RFTN1: variants seen among roughly 807,000 people sequenced by gnomAD.
RFTN1 encodes the protein raftlin, lipid raft linker 1, also known as raftlin.
Under a neutral mutation model 46.5 loss-of-function variants are expected in RFTN1, and 26 were observed. That is an observed-to-expected ratio of 0.56 (90% confidence interval 0.41 to 0.78). The LOEUF is 0.78. Among genes scored for constraint, RFTN1 ranks in the 30% least tolerant of loss-of-function variants. The probability of loss-of-function intolerance (pLI) is 0.00; values close to 1 mark genes in which losing one functional copy is unlikely to be tolerated. For synonymous variants in RFTN1, 261 were observed against 284.2 expected, an observed-to-expected ratio of 0.92 and a Z score of 0.82; for missense variants, 693 against 718.7, an observed-to-expected ratio of 0.96 and a Z score of 0.41.
rs1474550597 is a variant in RFTN1, at chr3:16,466,139, A to T, written c.145+27586T>A. ...CGCTTGAATGCAGGATACACCATGC[A>T]CCACAATCTTGCATCTCTCATCACA... On this transcript the variant is annotated intron_variant, in intron 2 of 9. Coordinates refer to ENST00000334133, the MANE Select transcript of RFTN1 (RefSeq NM_015150.2). The surrounding 1 kb of genome is among the most constrained non-coding windows in gnomAD (Gnocchi z 5.6). 1.3e-5 allele frequency among the ~76,000 whole-genome samples: 2 copies of T among 152,192 alleles called. No individual in the cohort carries two copies. Among genetic ancestry groups the T allele is most frequent in the East Asian group, 3.8e-4 (2 of 5,198 alleles).
At chr3:16,493,363 C>T (rs2076572655) in intron 2 of RFTN1, among the ~76,000 whole-genome samples, 1 of 152,024 alleles carries the variant, frequency 6.6e-6, no homozygotes, top group Non-Finnish European at 1.5e-5. Flanking sequence ...TCCCGAGTAG[C>T]TGGGACTACA....
chr3:16,353,576 A>C lies in RFTN1; in HGVS notation c.1146+4356T>G, dbSNP rs960356735. On this transcript the variant is annotated intron_variant, in intron 7 of 9. Coordinates refer to ENST00000334133, the MANE Select transcript of RFTN1 (RefSeq NM_015150.2). This position sits in a 1 kb window ranked among gnomAD's most constrained non-coding sequence, Gnocchi z 5.4. ...CATCTCAGAGCCACCGTTAAAGACT[A>C]AATGTTTTCTATCCTCCCACAATGC... Among the ~76,000 whole-genome samples the C allele has an allele frequency of 6.6e-6, 1 of 152,210 alleles. No individual in the cohort carries two copies. Among genetic ancestry groups the C allele is most frequent in the African/African-American group, 2.4e-5 (1 of 41,432 alleles).
At chr3:16,441,178 A>G (rs1444969158) in intron 2 of RFTN1, among the ~76,000 whole-genome samples, 1 of 152,088 alleles carries the variant, frequency 6.6e-6, no homozygotes, top group Non-Finnish European at 1.5e-5. Context: ...CAAAATATAG[A>G]AACTACTGCT....
In RFTN1 at chr3:16,335,426, G is replaced by A. The variant is rs1405410805; in HGVS notation, c.1147-8550C>T. Among the ~76,000 whole-genome samples the A allele has an allele frequency of 3.3e-5, 5 of 152,378 alleles. No homozygotes were observed. In the East Asian group the frequency reaches 9.6e-4, roughly 29 times the overall value. On this transcript the variant is annotated intron_variant, in intron 7 of 9. Coordinates refer to ENST00000334133, the MANE Select transcript of RFTN1 (RefSeq NM_015150.2). This position sits in a 1 kb window ranked among gnomAD's most constrained non-coding sequence, Gnocchi z 4.7. ...TTCTTTATCCAGTCCATAATGCTAT[G>A]CAGCCTTAAAAAGGAACGAATCACG...
rs151207880 is a variant in RFTN1, at chr3:16,465,564, A to G, written c.145+28161T>C. ...CACTTGCTTTCCCCTCTTCTGCTTT[A>G]TACAAATACATGGTAATTTGCTTCT... On this transcript the variant is annotated intron_variant, in intron 2 of 9. Coordinates refer to ENST00000334133, the MANE Select transcript of RFTN1 (RefSeq NM_015150.2). The surrounding 1 kb of genome is among the most constrained non-coding windows in gnomAD (Gnocchi z 5.1). Among the ~76,000 whole-genome samples, 9 of 152,348 alleles carry G rather than the reference A, an allele frequency of 5.9e-5. No homozygotes were observed. The East Asian group carries it at 1.5e-3, about 26-fold the overall frequency.
chr3:16,477,440 A>G (rs2076299922), intron 2 of RFTN1, among the ~76,000 whole-genome samples: 1 of 152,270 alleles, frequency 6.6e-6, no homozygotes, highest in Non-Finnish European at 1.5e-5. Context: ...ATTTAAAAAA[A>G]TGTTTCCCTA....
chr3:16,378,882 G>A (rs774806561), intron 4 of RFTN1, among the ~76,000 whole-genome samples: 6 of 152,168 alleles, frequency 3.9e-5, no homozygotes, highest in Admixed American at 1.3e-4. Context: ...CAGTACCGAG[G>A]TACTTGAACT....
chr3:16,490,023 A>G lies in RFTN1; in HGVS notation c.145+3702T>C, dbSNP rs117735458. Among the ~76,000 whole-genome samples the G allele has an allele frequency of 1.9e-3, 289 of 152,352 alleles. 9 individuals carry two copies. In the East Asian group the frequency reaches 0.046, roughly 24 times the overall value. On this transcript the variant is annotated intron_variant, in intron 2 of 9. Transcript: ENST00000334133. ...GCTCCATTCTGGAGAATAAAGAATA[A>G]TCTCATTAGAACTCCTGGGAGAAAA...
chr3:16,330,510 C>G (rs1199604361), intron 7 of RFTN1, among the ~76,000 whole-genome samples: 1 of 152,182 alleles, frequency 6.6e-6, no homozygotes, highest in Non-Finnish European at 1.5e-5. Context: ...GAGAAGAAAG[C>G]ACCAACAACA....
chr3:16,463,519 A>AT (rs2076040952), intron 2 of RFTN1, among the ~76,000 whole-genome samples: 1 of 152,142 alleles, frequency 6.6e-6, no homozygotes, highest in African/African-American at 2.4e-5. Flanking sequence ...TAGAAATCCC[A>AT]TTTTATTCTT....
intron 2 of RFTN1, among the ~76,000 whole-genome samples, chr3:16,441,524 T>C (rs1244166599): frequency 6.6e-6 from 1 of 152,206 alleles, no homozygotes; most frequent in African/African-American, 2.4e-5. Flanking sequence ...TATTTCAAAC[T>C]TGATTATTGG....
rs79695132 is a variant in RFTN1, at chr3:16,419,690, A to T, written c.333-10207T>A. On this transcript the variant is annotated intron_variant, in intron 3 of 9. Coordinates refer to ENST00000334133, the MANE Select transcript of RFTN1 (RefSeq NM_015150.2). The stretch of plus-strand genomic sequence containing the variant: ...TCCCCTATAGCAAAACTGAAGAAAT[A>T]CTTGAGGAAAAAATAGTCAAGTAAA... 0.018 allele frequency among the ~76,000 whole-genome samples: 2,775 copies of T among 152,344 alleles called. 203 individuals are homozygous for T. In the East Asian group the frequency reaches 0.2, roughly 11 times the overall value.
At chr3:16,324,548 G>A (rs1224119037) in intron 8 of RFTN1, among the ~76,000 whole-genome samples, 1 of 149,380 alleles carries the variant, frequency 6.7e-6, no homozygotes, top group Non-Finnish European at 1.5e-5. Context: ...TTCTGTGCCT[G>A]GTTTATTTCA....
chr3:16,330,512 C>T (rs914858128), intron 7 of RFTN1, among the ~76,000 whole-genome samples: 1 of 152,152 alleles, frequency 6.6e-6, no homozygotes, highest in African/African-American at 2.4e-5. Context: ...GAAGAAAGCA[C>T]CAACAACACT....
In RFTN1 at chr3:16,474,969, C is replaced by A. The variant is rs537579328; in HGVS notation, c.145+18756G>T. Reference sequence around the variant, plus strand: ...AATCTCATATTGATATTTGATCTCCCACGTTGGAGGTGGGGCCTAGTGGGA... The same window carrying A: ...AATCTCATATTGATATTTGATCTCCAACGTTGGAGGTGGGGCCTAGTGGGA... On this transcript the variant is annotated intron_variant, in intron 2 of 9. Coordinates refer to ENST00000334133, the MANE Select transcript of RFTN1 (RefSeq NM_015150.2). The surrounding 1 kb of genome is among the most constrained non-coding windows in gnomAD (Gnocchi z 5.5). 6.6e-6 allele frequency among the ~76,000 whole-genome samples: 1 copy of A among 152,290 alleles called. No homozygotes were observed. The highest frequency in any genetic ancestry group is 1.9e-4 in the East Asian group (1 of 5,180).
In RFTN1 at chr3:16,329,623, C is replaced by T. The variant is rs930579253; in HGVS notation, c.1147-2747G>A. On this transcript the variant is annotated intron_variant, in intron 7 of 9. Transcript: ENST00000334133. The surrounding 1 kb of genome is among the most constrained non-coding windows in gnomAD (Gnocchi z 4.5). ...ACGCTCACCACCTGCTGAAGGAGTC[C>T]TGAGGCTGCTTTATCCTGAGAATCC... Among the ~76,000 whole-genome samples, 2 of 152,160 alleles carry T rather than the reference C, an allele frequency of 1.3e-5. No homozygotes were observed. Among genetic ancestry groups the T allele is most frequent in the African/African-American group, 4.8e-5 (2 of 41,444 alleles).
Position 16,387,570 on chromosome 3 carries a change from T to TTCTCTCTCTCCCTCTCTC in RFTN1, c.442-9469_442-9468insGAGAGAGGGAGAGAGAGA, listed in dbSNP as rs2074224003. On this transcript the variant is annotated intron_variant, in intron 4 of 9. Coordinates refer to ENST00000334133, the MANE Select transcript of RFTN1 (RefSeq NM_015150.2). This position sits in a 1 kb window ranked among gnomAD's most constrained non-coding sequence, Gnocchi z 5.2. ...CACTTCTCTCTTCTATATCCTCAAT[T>TTCTCTCTCTCCCTCTCTC]TCTCTCTCTCTCTCTCTCTCTCTCT... 8.6e-6 allele frequency among the ~76,000 whole-genome samples: 1 copy of TTCTCTCTCTCCCTCTCTC among 116,418 alleles called. No homozygotes were observed. Among genetic ancestry groups the TTCTCTCTCTCCCTCTCTC allele is most frequent in the African/African-American group, 3.9e-5 (1 of 25,514 alleles). 76.4% of individuals were successfully genotyped at this position (116,418 alleles called of 152,430 possible). A position where few individuals can be genotyped will look rare whatever the true frequency, so the allele number is the denominator to read the frequency against.
At position 16,356,197 on chromosome 3, in the gene RFTN1, T is replaced by C. The variant is rs2072424385; in HGVS notation, c.1146+1735A>G. Among the ~76,000 whole-genome samples, 3 of 152,158 alleles carry C rather than the reference T, an allele frequency of 2.0e-5. No individual in the cohort carries two copies. The highest frequency in any genetic ancestry group is 7.2e-5 in the African/African-American group (3 of 41,426). On this transcript the variant is annotated intron_variant, in intron 7 of 9. Coordinates refer to ENST00000334133, the MANE Select transcript of RFTN1 (RefSeq NM_015150.2). The surrounding 1 kb of genome is among the most constrained non-coding windows in gnomAD (Gnocchi z 4.9). ...GAGAGGTGACAGGACCTGCCCACACTCGCTTGGCATCTTGGACTGAGCTTT... is the reference window on the plus strand; with the variant it reads ...GAGAGGTGACAGGACCTGCCCACACCCGCTTGGCATCTTGGACTGAGCTTT...
intron 2 of RFTN1, among the ~76,000 whole-genome samples, chr3:16,436,879 A>G (rs555823407): frequency 5.1e-4 from 77 of 152,344 alleles, no homozygotes; most frequent in African/African-American, 1.7e-3. Flanking sequence ...TCCTGTTTAT[A>G]TTTTGAATTT....
Sources: gnomAD v4.1 joint callset for allele counts (sites outside exome capture counted in the v4.1 genomes callset) on GRCh38, gnomAD v4.1.1 for gene constraint, Gnocchi (gnomAD v3.1) non-coding constraint, MANE v1.5 for transcripts, NCBI Gene and HGNC (gene_info 2026-07-23, HGNC 2026-07-21) for gene names.